Variants in SYTL3 observed in about 807,000 individuals in gnomAD.
The protein encoded by SYTL3 is synaptotagmin-like protein 3.
A neutral mutation model predicts 82.1 loss-of-function variants in SYTL3; 88 were observed. The ratio of observed to expected loss-of-function variants is 1.07; its 90% CI spans 0.90 to 1.28. The LOEUF is 1.28. Ranked by LOEUF, SYTL3 falls within the 50% of genes most tolerant of loss-of-function variation. SYTL3 has a pLI of 0.00. For missense variants in SYTL3, 831 were observed against 757.6 expected (o/e 1.10, Z -1.14); for synonymous variants, 311 against 289.4 (o/e 1.07, Z -0.76).
At chr6:158,701,429 G>C (rs544521639) in intron 6 of SYTL3, among the ~76,000 whole-genome samples, 25 of 151,362 alleles carry the variant, frequency 1.7e-4, no homozygotes, top group Non-Finnish European at 3.4e-4. Context: ...AGGAGCCGTG[G>C]GAAGAGGGTC....
At chr6:158,671,460 T>TCA (rs1777372716) in intron 5 of SYTL3, among the ~76,000 whole-genome samples, 1 of 152,114 alleles carries the variant, frequency 6.6e-6, no homozygotes, top group Admixed American at 6.6e-5. Context: ...CATCCAGGGT[T>TCA]CACACCAAGA....
In SYTL3 at chr6:158,763,353, C is replaced by G; in HGVS notation, c.1567C>G (p.Leu523Val). 6.2e-7 allele frequency: 1 copy of G among 1,614,244 alleles called. No homozygotes were observed. The change falls in exon 17 of 18, where the codon CTG becomes GTG. Residue 523 changes from leucine to valine, a missense_variant. Transcript: ENST00000611299. The part of the protein sequence containing the change: ...QQKLRLKSPV[L>V]RKQACPQWKH... ...AAAACTGAGACTGAAGTCGCCAGTC[C>G]TGAGGAAGCAGGCTTGCCCCCAGTG...
chr6:158,671,139 G>A (rs557508531), intron 5 of SYTL3, among the ~76,000 whole-genome samples: 157 of 152,122 alleles, frequency 1.0e-3, no homozygotes, highest in African/African-American at 3.4e-3. Context: ...AGTTTCTTTT[G>A]TGTTTACTAA....
intron 11 of SYTL3, among the ~76,000 whole-genome samples, chr6:158,733,960 T>G (rs894552891): frequency 6.6e-6 from 1 of 151,478 alleles, no homozygotes; most frequent in Admixed American, 6.6e-5. Flanking sequence ...TAGCCAGGCG[T>G]GATGGCGGGC....
At position 158,674,118 on chromosome 6, in the gene SYTL3, T is replaced by TG. The variant is rs1562361194; in HGVS notation, c.329+8505_329+8506insG. On this transcript the variant is annotated intron_variant, in intron 5 of 17. Coordinates refer to ENST00000611299, the MANE Select transcript of SYTL3 (RefSeq NM_001242394.2). ...ATAATAATAATAATAATAATAATAA[T>TG]AATGATGATGATGATGATAATCTTC... is the stretch of plus-strand genomic sequence containing the variant. 7.3e-4 allele frequency among the ~76,000 whole-genome samples: 106 copies of TG among 145,396 alleles called. 1 individual carries two copies. Among genetic ancestry groups the TG allele is most frequent in the African/African-American group, 2.2e-3 (80 of 37,064 alleles).
At chr6:158,671,393 G>A (rs562173954) in intron 5 of SYTL3, among the ~76,000 whole-genome samples, 19 of 152,260 alleles carry the variant, frequency 1.2e-4, no homozygotes, top group Non-Finnish European at 2.4e-4. Flanking sequence ...TAAGGGAGGG[G>A]AGCCCCAAGA....
At chr6:158,708,279 A>G (rs759806078) in intron 7 of SYTL3, 43 bp from the exon 8 acceptor site, 4 of 1,493,634 alleles carry the variant, frequency 2.7e-6, no homozygotes, top group Admixed American at 1.7e-5. Context: ...AACGGCTTGC[A>G]TGGTTCACAA....
At chr6:158,662,330 A>G (rs529863586) in intron 3 of SYTL3, among the ~76,000 whole-genome samples, 1 of 152,368 alleles carries the variant, frequency 6.6e-6, no homozygotes, top group East Asian at 1.9e-4. Context: ...AAGGCAGCTC[A>G]TGAAACTTAT....
At chr6:158,680,593 A>C (rs1042021196) in intron 5 of SYTL3, among the ~76,000 whole-genome samples, 11 of 151,494 alleles carry the variant, frequency 7.3e-5, no homozygotes, top group East Asian at 1.9e-4. Flanking sequence ...AAAAAAAAAA[A>C]ACACAAAAAT....
intron 5 of SYTL3, among the ~76,000 whole-genome samples, chr6:158,678,677 G>A (rs1270385149): frequency 6.6e-6 from 1 of 152,178 alleles, no homozygotes; most frequent in Non-Finnish European, 1.5e-5. Flanking sequence ...GAGCCATCTA[G>A]GCATCCAGTG....
Position 158,729,584 on chromosome 6 carries a change from T to G in SYTL3, c.855+3947T>G, listed in dbSNP as rs1032000781. On this transcript the variant is annotated intron_variant, in intron 11 of 17. Coordinates refer to ENST00000611299, the MANE Select transcript of SYTL3 (RefSeq NM_001242394.2). ...TCTTTTTCTTTTTTTTTTTTTTTTT[T>G]GAGACAGAGTCTCGCTTTGTCACGT... Among the ~76,000 whole-genome samples, 14 of 142,582 alleles carry G rather than the reference T, an allele frequency of 9.8e-5. No individual in the cohort carries two copies. In the South Asian group the frequency reaches 1.2e-3, roughly 12 times the overall value. 93.5% of individuals were successfully genotyped at this position (142,582 alleles called of 152,430 possible).
intron 13 of SYTL3, among the ~76,000 whole-genome samples, chr6:158,753,464 C>T (rs1375252781): frequency 6.6e-6 from 1 of 152,014 alleles, no homozygotes; most frequent in Non-Finnish European, 1.5e-5. Context: ...GGCGCGGTGG[C>T]TCACGCCTGT....
intron 11 of SYTL3, among the ~76,000 whole-genome samples, chr6:158,742,124 A>G (rs1245303026): frequency 1.3e-5 from 2 of 152,232 alleles, no homozygotes; most frequent in Non-Finnish European, 2.9e-5. Context: ...TTTTTGTCTA[A>G]CATCATTTCC....
intron 7 of SYTL3, among the ~76,000 whole-genome samples, chr6:158,707,662 C>T (rs1488605962): frequency 4.6e-5 from 7 of 152,170 alleles, no homozygotes; most frequent in African/African-American, 1.2e-4. Flanking sequence ...GTTAGAGATA[C>T]TGGTGAAATA....
chr6:158,716,323 C>G (rs1260760163), intron 9 of SYTL3, among the ~76,000 whole-genome samples: 3 of 152,212 alleles, frequency 2.0e-5, no homozygotes, highest in Non-Finnish European at 4.4e-5. Flanking sequence ...GTCCTCTCCC[C>G]TCATCTGTGA....
At position 158,761,297 on chromosome 6, in the gene SYTL3, A is replaced by G. The variant is rs1240920661; in HGVS notation, c.1414+552A>G. Among the ~76,000 whole-genome samples, 5 of 71,792 alleles carry G rather than the reference A, an allele frequency of 7.0e-5. No individual in the cohort carries two copies. The South Asian group carries it at 1.2e-3, about 17-fold the overall frequency. The allele number at this position is 71,792 out of a possible 152,430, so 47.1% of individuals were successfully genotyped here. On this transcript the variant is annotated intron_variant, in intron 15 of 17. Coordinates refer to ENST00000611299, the MANE Select transcript of SYTL3 (RefSeq NM_001242394.2). Reference sequence around the variant, plus strand: ...GGGAAGGAGGACTGGGAGAATGCACATTTCTTTTTTTTTTTTTTTTTTTGA... The same window carrying G: ...GGGAAGGAGGACTGGGAGAATGCACGTTTCTTTTTTTTTTTTTTTTTTTGA...
chr6:158,659,994 G>A (rs1002889340), intron 2 of SYTL3, among the ~76,000 whole-genome samples: 1 of 152,172 alleles, frequency 6.6e-6, no homozygotes, highest in South Asian at 2.1e-4. Flanking sequence ...CCTTGAACAG[G>A]CCGGGCGTGG....
At chr6:158,705,564 C>CG (rs145177528) in intron 6 of SYTL3, among the ~76,000 whole-genome samples, 1,907 of 77,436 alleles carry the variant, frequency 0.025, 33 homozygotes, top group Non-Finnish European at 0.033. Flanking sequence ...CATAGAGCAG[C>CG]GGGGGGGGAC....
At chr6:158,691,525 A>G (rs1430864986) in intron 6 of SYTL3, among the ~76,000 whole-genome samples, 1 of 152,188 alleles carries the variant, frequency 6.6e-6, no homozygotes, top group Non-Finnish European at 1.5e-5. Context: ...TATAGAAATG[A>G]TGCCCTCTTC....
Sources: allele counts gnomAD v4.1 joint callset (sites outside exome capture counted in the v4.1 genomes callset), GRCh38; gene constraint gnomAD v4.1.1; transcripts MANE v1.5; gene names NCBI Gene and HGNC (gene_info 2026-07-23, HGNC 2026-07-21).